The following ADGRE1 variants were observed in gnomAD, a reference collection of about 807,000 sequenced individuals.
ADGRE1 encodes the protein adhesion G protein-coupled receptor E1, also known as EGF-like module receptor 1.
In ADGRE1, 82 loss-of-function variants were observed where a neutral mutation model predicts 102.7. The observed-to-expected ratio is 0.80, with a 90% CI of 0.67 to 0.96. The LOEUF is 0.96. Among genes scored for constraint, ADGRE1 ranks in the 40% least tolerant of loss-of-function variants. The pLI, the probability that ADGRE1 is intolerant of heterozygous loss-of-function variation, is 0.00. For missense variants in ADGRE1, 1,032 were observed against 1,085.3 expected, an observed-to-expected ratio of 0.95 and a Z score of 0.69; for synonymous variants, 398 against 399.6, an observed-to-expected ratio of 1.00 and a Z score of 0.05.
chr19:6,924,257 A>C (rs1002451860), intron 14 of ADGRE1, among the ~76,000 whole-genome samples: 38 of 151,490 alleles, frequency 2.5e-4, no homozygotes, highest in African/African-American at 9.0e-4. Flanking sequence ...TTGCCACCCC[A>C]CTCCACCATG....
Position 6,920,244 on chromosome 19 carries a change from T to TTTTTTA in ADGRE1, c.1620+497_1620+498insTTTTTA, listed in dbSNP as rs777225544. ...TGGTGGTTGCTTCTTTTTTTTTTTT[T>TTTTTTA]AGTCTCACTCTGTCACCCAGGCTGG... On this transcript the variant is annotated intron_variant, in intron 13 of 20. Coordinates refer to ENST00000312053, the MANE Select transcript of ADGRE1 (RefSeq NM_001974.5). 1.0e-3 allele frequency among the ~76,000 whole-genome samples: 148 copies of TTTTTTA among 147,944 alleles called. 3 individuals carry two copies. The highest frequency in any genetic ancestry group is 2.0e-3 in the African/African-American group (81 of 39,540).
intron 14 of ADGRE1, among the ~76,000 whole-genome samples, chr19:6,922,087 T>G (rs573340751): frequency 1.1e-4 from 17 of 152,132 alleles, no homozygotes; most frequent in African/African-American, 4.1e-4. Flanking sequence ...AAATATACAA[T>G]GAGAAATAAT....
intron 17 of ADGRE1, among the ~76,000 whole-genome samples, chr19:6,930,847 C>T (rs539550958): frequency 7.9e-4 from 120 of 152,138 alleles, no homozygotes; most frequent in African/African-American, 2.9e-3. Context: ...CCATGTTTTC[C>T]AGGCTGGTCT....
chr19:6,922,612 TCACACACACACACACACACACACACA>T (rs770150909), intron 14 of ADGRE1, among the ~76,000 whole-genome samples: 1 of 123,156 alleles, frequency 8.1e-6, no homozygotes, highest in Non-Finnish European at 1.8e-5. Context: ...AGACTCTGTC[TCACACACACACACACACACACACACA>T]CACACACACA....
intron 14 of ADGRE1, among the ~76,000 whole-genome samples, chr19:6,923,783 C>T: frequency 6.6e-6 from 1 of 151,758 alleles, no homozygotes; most frequent in East Asian, 1.9e-4. Flanking sequence ...GGTGATCCAC[C>T]CGCCCCAGCC....
chr19:6,922,083 A>G (rs952962696), intron 14 of ADGRE1, among the ~76,000 whole-genome samples, 200 bp downstream of exon 14: 1 of 152,192 alleles, frequency 6.6e-6, no homozygotes, highest in African/African-American at 2.4e-5. Flanking sequence ...ACTCAAATAT[A>G]CAATGAGAAA....
At chr19:6,916,192 A>G (rs1974372840) in intron 11 of ADGRE1, 57 bp from the exon 12 acceptor site, 1 of 1,568,086 alleles carries the variant, frequency 6.4e-7, no homozygotes. Flanking sequence ...GACAGAAACC[A>G]AATTCAGGAC....
intron 9 of ADGRE1, among the ~76,000 whole-genome samples, chr19:6,907,628 C>T (rs545965777): frequency 3.1e-4 from 47 of 152,222 alleles, no homozygotes; most frequent in Non-Finnish European, 5.3e-4. Flanking sequence ...GTGTGAGCAC[C>T]GTGCTCAGCC....
At chr19:6,924,961 T>C in intron 15 of ADGRE1, 89 bp downstream of exon 15, 1 of 1,385,942 alleles carries the variant, frequency 7.2e-7, no homozygotes. Context: ...TCTATCCCTG[T>C]TCCTACCTCA....
chr19:6,912,625 A>C (rs186197782), intron 10 of ADGRE1, among the ~76,000 whole-genome samples: 7 of 152,344 alleles, frequency 4.6e-5, no homozygotes, highest in Non-Finnish European at 8.8e-5. Context: ...TGCTTTAGTG[A>C]ACAGTGGCTC....
chr19:6,898,557 T>C, intron 5 of ADGRE1: 4 of 1,510,988 alleles, frequency 2.6e-6, no homozygotes, highest in Non-Finnish European at 3.7e-6. Flanking sequence ...CAATTTCTTA[T>C]CTGCTCACCC....
chr19:6,910,535 G>C (rs1013399243), intron 10 of ADGRE1, among the ~76,000 whole-genome samples: 7 of 147,808 alleles, frequency 4.7e-5, no homozygotes, highest in African/African-American at 7.4e-5. Flanking sequence ...GTGGTTTATT[G>C]GTTAGCTTCT....
chr19:6,893,212 T>C (rs1289261984), intron 2 of ADGRE1, among the ~76,000 whole-genome samples: 1 of 152,218 alleles, frequency 6.6e-6, no homozygotes, highest in Non-Finnish European at 1.5e-5. Context: ...TTTTTATTTT[T>C]TTGAGACGGA....
intron 2 of ADGRE1, 48 bp from the exon 3 acceptor site, chr19:6,896,350 A>G: frequency 1.3e-6 from 2 of 1,585,496 alleles, no homozygotes; most frequent in East Asian, 4.5e-5. Flanking sequence ...TTGCAGCCTC[A>G]CTCTAATGCT....
At chr19:6,887,705 G>A (rs1973202290) in intron 1 of ADGRE1, 66 bp downstream of exon 1, 1 of 1,534,452 alleles carries the variant, frequency 6.5e-7, no homozygotes, top group East Asian at 2.3e-5. Context: ...AGGAGAAATG[G>A]GAGGGCCATG....
chr19:6,891,741 G>A (rs975029859), intron 2 of ADGRE1, among the ~76,000 whole-genome samples: 7 of 152,120 alleles, frequency 4.6e-5, no homozygotes, highest in South Asian at 2.1e-4. Flanking sequence ...GAGCCACTGC[G>A]CCTGGCCCCT....
At chr19:6,896,886 T>G (rs1416881992) in intron 3 of ADGRE1, 2 of 491,560 alleles carry the variant, frequency 4.1e-6, no homozygotes, top group African/African-American at 3.9e-5. Flanking sequence ...CACAATATGG[T>G]GGCTGGATTC....
chr19:6,928,021 T>C, intron 16 of ADGRE1, 124 bp from the exon 17 acceptor site: 5 of 1,231,766 alleles, frequency 4.1e-6, no homozygotes, highest in Non-Finnish European at 5.6e-6. Flanking sequence ...ACCGGGACCA[T>C]CCTGAGCATC....
At chr19:6,890,708 T>G (rs568336802) in intron 2 of ADGRE1, among the ~76,000 whole-genome samples, 165 bp downstream of exon 2, 2 of 152,306 alleles carry the variant, frequency 1.3e-5, no homozygotes, top group East Asian at 3.9e-4. Context: ...TCAGGCTCTT[T>G]CCTTTGTGCT....
Sources: gnomAD v4.1 joint callset for allele counts (sites outside exome capture counted in the v4.1 genomes callset) on GRCh38, gnomAD v4.1.1 for gene constraint, MANE v1.5 for transcripts, NCBI Gene and HGNC (gene_info 2026-07-23, HGNC 2026-07-21) for gene names.